KIAA1549: variants seen among roughly 807,000 people sequenced by gnomAD.
The protein encoded by KIAA1549 is KIAA1549.
Under a neutral mutation model 156.4 loss-of-function variants are expected in KIAA1549, and 70 were observed. That is an observed-to-expected ratio of 0.45 (90% CI 0.37 to 0.55). The LOEUF (loss-of-function observed/expected upper bound fraction) is 0.55, where lower values mean the gene tolerates loss of function less well. KIAA1549 is among the 20% of genes least tolerant of loss of function. KIAA1549 has a pLI of 0.00. For missense variants in KIAA1549, 2,428 were observed against 2,540.9 expected, an observed-to-expected ratio of 0.96 and a Z score of 0.96; for synonymous variants, 1,103 against 1,066.4, an observed-to-expected ratio of 1.03 and a Z score of -0.67.
At chr7:138,907,964 T>G (rs1259970904) in intron 5 of KIAA1549, among the ~76,000 whole-genome samples, 1 of 152,190 alleles carries the variant, frequency 6.6e-6, no homozygotes, top group African/African-American at 2.4e-5. Flanking sequence ...GTTCCCTGTC[T>G]GCTTGTCTCT....
At position 138,839,936 on chromosome 7, in the gene KIAA1549, C is replaced by T. The variant is rs1006643280; in HGVS notation, c.5598+197G>A. On this transcript the variant is annotated intron_variant, in intron 19 of 19. Transcript: ENST00000422774. ...CCAAGTAGCTGGGACTACCAGCACC[C>T]GTCACCACGCCTGGCTAATTTTTTT... Among the ~76,000 whole-genome samples the T allele has an allele frequency of 6.6e-5, 10 of 151,588 alleles. No homozygotes were observed. The East Asian group carries it at 1.6e-3, about 24-fold the overall frequency.
chr7:138,967,631 A>C (rs1299274856), intron 1 of KIAA1549, among the ~76,000 whole-genome samples: 2 of 152,084 alleles, frequency 1.3e-5, no homozygotes, highest in African/African-American at 4.8e-5. Context: ...ACTCCAACCC[A>C]TTCCTGGAGC....
rs767585578 is a variant in KIAA1549 at position 138,879,546 on chromosome 7, G to T, written c.4337C>A (p.Pro1446Gln). 1.3e-6 allele frequency: 2 copies of T among 1,557,272 alleles called. No individual in the cohort carries two copies. ...CCAGAAGAGTCACAGACCGCTCTGC[G>T]GAGCTCTGTGGGACCTGCCATCGTT... ...AVNDGRSHRA[P>Q]QSGPPLPSSG... Residue 1446 changes from proline to glutamine, a missense_variant, in exon 12 of 20, where the codon CCG (proline) becomes CAG (glutamine). This residue lies in a region of KIAA1549 where 404 missense variants were observed against 417.0 expected (regional missense o/e 0.97). Transcript: ENST00000422774.
intron 9 of KIAA1549, 45 bp from the exon 10 acceptor site, chr7:138,894,571 C>T (rs371044056): frequency 1.8e-4 from 293 of 1,587,344 alleles, no homozygotes; most frequent in Non-Finnish European, 2.3e-4. Context: ...CTTCTTCACT[C>T]ATGCACTAGA....
rs764968017 is a variant in KIAA1549, at chr7:138,918,762, TAA to T, written c.862_863del (p.Leu288AsnfsTer36). 1 of 1,613,834 alleles carries T rather than the reference TAA, an allele frequency of 6.2e-7. No individual in the cohort carries two copies. Among genetic ancestry groups the T allele is most frequent in the Non-Finnish European group, 8.5e-7 (1 of 1,179,856 alleles). On this transcript the variant is annotated frameshift_variant, in exon 2 of 20. Coordinates refer to ENST00000422774, the MANE Select transcript of KIAA1549 (RefSeq NM_001164665.2). LOFTEE classifies it high-confidence loss of function. The surrounding 1 kb of genome is among the most constrained non-coding windows in gnomAD (Gnocchi z 4.2). ...TGCCGTCGCCTAACGGCTGTGGCAT[TAA>T]AGACCGGGAGCTTAAAAAAAGGGTG... The part of the protein sequence containing the change: ...ETTLFLSSRS[L>X]MPQPLGDGIT...
At chr7:138,919,962 G>C (rs1812512459) in intron 1 of KIAA1549, among the ~76,000 whole-genome samples, 1 of 152,164 alleles carries the variant, frequency 6.6e-6, no homozygotes, top group Non-Finnish European at 1.5e-5. Flanking sequence ...CCAAGTAAGA[G>C]AGTTCCCCAG....
chr7:138,925,155 C>A (rs1391755526), intron 1 of KIAA1549, among the ~76,000 whole-genome samples: 1 of 152,208 alleles, frequency 6.6e-6, no homozygotes, highest in Non-Finnish European at 1.5e-5. Context: ...CCAGGCCACA[C>A]CAATTCCATG....
chr7:138,962,032 G>A (rs1813868893), intron 1 of KIAA1549, among the ~76,000 whole-genome samples: 1 of 152,040 alleles, frequency 6.6e-6, no homozygotes, highest in Admixed American at 6.5e-5. Context: ...CATTCTCCCT[G>A]TGCAAGGATG....
At chr7:138,963,641 A>G (rs967189892) in intron 1 of KIAA1549, among the ~76,000 whole-genome samples, 1 of 152,258 alleles carries the variant, frequency 6.6e-6, no homozygotes, top group East Asian at 1.9e-4. Flanking sequence ...CAAGGGGCAT[A>G]TAAAACAAAC....
intron 1 of KIAA1549, among the ~76,000 whole-genome samples, chr7:138,972,030 C>T (rs929781835): frequency 4.6e-5 from 7 of 152,100 alleles, no homozygotes; most frequent in African/African-American, 1.7e-4. Context: ...TCGTGACAGT[C>T]ACCTGGAGAA....
intron 14 of KIAA1549, among the ~76,000 whole-genome samples, chr7:138,869,155 T>C (rs1198543146): frequency 1.3e-5 from 2 of 151,002 alleles, no homozygotes; most frequent in Non-Finnish European, 3.0e-5. Context: ...GGTGACAGAG[T>C]GGGAGGTGAG....
chr7:138,860,870 C>T (rs1010609566), intron 16 of KIAA1549, among the ~76,000 whole-genome samples: 1 of 152,170 alleles, frequency 6.6e-6, no homozygotes, highest in East Asian at 1.9e-4. Flanking sequence ...TCCATAAAAT[C>T]CCCCTCCGTT....
At chr7:138,910,700 A>ATTTTTTTT (rs10686011) in intron 4 of KIAA1549, among the ~76,000 whole-genome samples, 93 of 112,018 alleles carry the variant, frequency 8.3e-4, no homozygotes, top group African/African-American at 1.6e-3. Context: ...ACTTGGTCTA[A>ATTTTTTTT]TTTTTTTTTT....
intron 1 of KIAA1549, among the ~76,000 whole-genome samples, chr7:138,943,100 C>A (rs577709737): frequency 2.0e-5 from 3 of 152,214 alleles, no homozygotes; most frequent in Non-Finnish European, 4.4e-5. Flanking sequence ...GCTAAGGCAG[C>A]CTGCTAGACC....
In KIAA1549 at chr7:138,837,749, C is replaced by T. The variant is rs533786416; in HGVS notation, c.*157G>A. On this transcript the variant is annotated 3_prime_UTR_variant, in exon 20 of 20. Transcript: ENST00000422774. ...AGTGAAAGGCTCATGAGCTGTCACA[C>T]GACGTATGGCATCTTCTAAATTGCA... 38 of 727,908 alleles carry T rather than the reference C, an allele frequency of 5.2e-5. No homozygotes were observed. The East Asian group carries it at 8.2e-4, about 16-fold the overall frequency. The allele number at this position is 727,908 out of a possible 1,614,324, so 45.1% of individuals were successfully genotyped here.
Position 138,846,306 on chromosome 7 carries a change from G to A in KIAA1549, c.5295-1832C>T, listed in dbSNP as rs186097562. On this transcript the variant is annotated intron_variant, in intron 17 of 19. Coordinates refer to ENST00000422774, the MANE Select transcript of KIAA1549 (RefSeq NM_001164665.2). Reference sequence around the variant, plus strand: ...TCCCAGCACTTTGGGAGGCCAAGGCGGGCAGATCACCTGAGGTCAGGAGTT... The same window carrying A: ...TCCCAGCACTTTGGGAGGCCAAGGCAGGCAGATCACCTGAGGTCAGGAGTT... Among the ~76,000 whole-genome samples, 425 of 152,148 alleles carry A rather than the reference G, an allele frequency of 2.8e-3. 2 individuals carry two copies. Among genetic ancestry groups the A allele is most frequent in the African/African-American group, 9.7e-3 (402 of 41,504 alleles).
intron 1 of KIAA1549, among the ~76,000 whole-genome samples, chr7:138,979,750 T>C (rs1055231964): frequency 6.6e-6 from 1 of 152,208 alleles, no homozygotes; most frequent in African/African-American, 2.4e-5. Flanking sequence ...GCACTAGCTG[T>C]ATACTGCCTA....
Position 138,837,752 on chromosome 7 carries a change from C to A in KIAA1549, c.*154G>T. On this transcript the variant is annotated 3_prime_UTR_variant, in exon 20 of 20. Coordinates refer to ENST00000422774, the MANE Select transcript of KIAA1549 (RefSeq NM_001164665.2). Reference sequence around the variant, plus strand: ...GAAAGGCTCATGAGCTGTCACACGACGTATGGCATCTTCTAAATTGCAACT... The same window carrying A: ...GAAAGGCTCATGAGCTGTCACACGAAGTATGGCATCTTCTAAATTGCAACT... 1.4e-6 allele frequency: 1 copy of A among 740,614 alleles called. No individual in the cohort carries two copies. The highest frequency in any genetic ancestry group is 2.2e-6 in the Non-Finnish European group (1 of 460,340). 45.9% of individuals were successfully genotyped at this position (740,614 alleles called of 1,614,324 possible).
At chr7:138,943,860 A>T (rs1319329333) in intron 1 of KIAA1549, among the ~76,000 whole-genome samples, 1 of 146,026 alleles carries the variant, frequency 6.8e-6, no homozygotes, top group Admixed American at 6.7e-5. Flanking sequence ...GAAAAAAACA[A>T]AACAAAAAAA....
Sources: allele counts gnomAD v4.1 joint callset (sites outside exome capture counted in the v4.1 genomes callset), GRCh38; gene constraint gnomAD v4.1.1; regional missense constraint gnomAD v4.1.1; non-coding constraint Gnocchi (gnomAD v3.1); transcripts MANE v1.5; gene names NCBI Gene and HGNC (gene_info 2026-07-23, HGNC 2026-07-21).